The following ATXN7 variants were observed in gnomAD, a reference collection of about 807,000 sequenced individuals.
The protein encoded by ATXN7 is ataxin 7, also known as ataxin-7.
Under a neutral mutation model 70.5 loss-of-function variants are expected in ATXN7, and 12 were observed. That is an observed-to-expected ratio of 0.17 (90% CI 0.11 to 0.28). The LOEUF (loss-of-function observed/expected upper bound fraction) is 0.28. ATXN7 is among the 10% of genes least tolerant of loss of function. ATXN7 has a pLI of 1.00. For missense variants in ATXN7, 1,256 were observed against 1,131.7 expected (o/e 1.11, Z -1.58); for synonymous variants, 498 against 448.7 (o/e 1.11, Z -1.39).
rs937584210 is a variant in ATXN7, at chr3:64,003,133, T to G, written c.*3666T>G. The G allele has an allele frequency of 6.6e-6, 1 of 152,014 alleles. No homozygotes were observed. The highest frequency in any genetic ancestry group is 2.4e-5 in the African/African-American group (1 of 41,380). 9.4% of individuals were successfully genotyped at this position (152,014 alleles called of 1,614,324 possible). ...CACTTTTACATTTTGTGCAAAACAT[T>G]TTACATTTTCAGATAATTTAAATGA... is the stretch of plus-strand genomic sequence containing the variant. On this transcript the variant is annotated 3_prime_UTR_variant, in exon 13 of 13. Coordinates refer to ENST00000674280, the MANE Select transcript of ATXN7 (RefSeq NM_001377405.1).
intron 4 of ATXN7, among the ~76,000 whole-genome samples, chr3:63,947,078 A>G (rs561515001): frequency 7.2e-5 from 11 of 152,170 alleles, no homozygotes; most frequent in African/African-American, 2.4e-4. Flanking sequence ...TGGGTGTGCT[A>G]TATACTAGTT....
intron 1 of ATXN7, among the ~76,000 whole-genome samples, chr3:63,884,219 A>G (rs1265011639): frequency 2.0e-5 from 3 of 146,730 alleles, no homozygotes; most frequent in African/African-American, 7.6e-5. Context: ...ACACACACAC[A>G]CACACACACA....
At chr3:63,905,125 G>C (rs1703789602) in intron 2 of ATXN7, 1 of 151,986 alleles carries the variant, frequency 6.6e-6, no homozygotes, top group South Asian at 2.1e-4. Context: ...TCATTTTCTT[G>C]ATGGCATCCT....
At chr3:63,978,276 C>G (rs1357402704) in intron 5 of ATXN7, among the ~76,000 whole-genome samples, 1 of 152,178 alleles carries the variant, frequency 6.6e-6, no homozygotes, top group Non-Finnish European at 1.5e-5. Context: ...AGCCACTGGT[C>G]TAGGGCCTTC....
In ATXN7 at chr3:63,982,489, A is replaced by G. The variant is rs186108340; in HGVS notation, c.1012+44A>G. 10 of 1,485,946 alleles carry G rather than the reference A, an allele frequency of 6.7e-6. No homozygotes were observed. In the African/African-American group the frequency reaches 1.4e-4, roughly 21 times the overall value. 92.0% of individuals were successfully genotyped at this position (1,485,946 alleles called of 1,614,324 possible). A position where few individuals can be genotyped will look rare whatever the true frequency, so the allele number is the denominator to read the frequency against. On this transcript the variant is annotated intron_variant, in intron 7 of 12. Transcript: ENST00000674280. ...TCTTCATAATGCTTCTCTATATATTAAATGGGCATTCGTGGGGAGCAAATC... is the reference window on the plus strand; with the variant it reads ...TCTTCATAATGCTTCTCTATATATTGAATGGGCATTCGTGGGGAGCAAATC...
At chr3:63,974,464 C>T (rs2075360967) in intron 5 of ATXN7, among the ~76,000 whole-genome samples, 1 of 152,244 alleles carries the variant, frequency 6.6e-6, no homozygotes, top group African/African-American at 2.4e-5. Flanking sequence ...CATTTCAGAG[C>T]AGGCAAGTTG....
intron 4 of ATXN7, among the ~76,000 whole-genome samples, chr3:63,948,921 T>G (rs2074909954): frequency 6.6e-6 from 1 of 152,230 alleles, no homozygotes; most frequent in Non-Finnish European, 1.5e-5. Context: ...AGTACAATTT[T>G]TAAACTTTAT....
At chr3:63,940,968 C>A (rs1377233166) in intron 4 of ATXN7, among the ~76,000 whole-genome samples, 2 of 152,094 alleles carry the variant, frequency 1.3e-5, no homozygotes, top group South Asian at 4.1e-4. Context: ...TTAAGGAACC[C>A]GTGAGACAAA....
chr3:63,967,156 A>T (rs2075238854), intron 5 of ATXN7, among the ~76,000 whole-genome samples: 1 of 152,200 alleles, frequency 6.6e-6, no homozygotes, highest in African/African-American at 2.4e-5. Flanking sequence ...GGAGTGTGAT[A>T]GGGATGATAG....
intron 4 of ATXN7, 39 bp from the exon 5 acceptor site, chr3:63,952,339 GA>G: frequency 6.6e-7 from 1 of 1,514,132 alleles, no homozygotes; most frequent in East Asian, 2.3e-5. Flanking sequence ...ATATCAGTCA[GA>G]ACCAGATGAG....
At chr3:63,934,587 A>G (rs1559637814) in intron 4 of ATXN7, among the ~76,000 whole-genome samples, 1 of 152,144 alleles carries the variant, frequency 6.6e-6, no homozygotes, top group Non-Finnish European at 1.5e-5. Context: ...TCAGTTTTTA[A>G]AGTACTTCCT....
intron 5 of ATXN7, among the ~76,000 whole-genome samples, chr3:63,974,543 AC>A (rs750308985): frequency 6.6e-6 from 1 of 152,256 alleles, no homozygotes; most frequent in Non-Finnish European, 1.5e-5. Flanking sequence ...CTCTTAAGTA[AC>A]CATGTGATGT....
chr3:63,988,169 G>A lies in ATXN7; in HGVS notation c.1206G>A (p.Pro402=), dbSNP rs371919711. Residue 402 remains proline (P), a synonymous_variant, in exon 9 of 13, where the codon CCG becomes CCA. Coordinates refer to ENST00000674280, the MANE Select transcript of ATXN7 (RefSeq NM_001377405.1). Reference sequence around the variant, plus strand: ...GGGAAAAGGAATTGATTCGCCATCCGGACTCTCAGCAACCACCGCAGCCTC... The same window carrying A: ...GGGAAAAGGAATTGATTCGCCATCCAGACTCTCAGCAACCACCGCAGCCTC... ...KTREKELIRH[P]DSQQPPQPLR... 4.4e-5 allele frequency: 71 copies of A among 1,613,798 alleles called. No individual in the cohort carries two copies. The highest frequency in any genetic ancestry group is 8.0e-5 in the African/African-American group (6 of 74,868).
At chr3:63,960,913 A>G (rs1372362566) in intron 5 of ATXN7, among the ~76,000 whole-genome samples, 1 of 152,118 alleles carries the variant, frequency 6.6e-6, no homozygotes, top group East Asian at 1.9e-4. Context: ...CAAGCCAGGA[A>G]ACAAAAGATA....
rs760166549 is a variant in ATXN7, at chr3:63,980,854, C to CT, written c.752+689dup. 2.0e-5 allele frequency among the ~76,000 whole-genome samples: 3 copies of CT among 152,270 alleles called. No homozygotes were observed. In the East Asian group the frequency reaches 5.8e-4, roughly 29 times the overall value. On this transcript the variant is annotated intron_variant, in intron 6 of 12. Coordinates refer to ENST00000674280, the MANE Select transcript of ATXN7 (RefSeq NM_001377405.1). ...GGAAGCAGTGCTTCCTCCCTTCAGC[C>CT]TTAGGTTCACATCACAGCAGTGATG...
At chr3:63,978,329 A>G (rs2075426760) in intron 5 of ATXN7, among the ~76,000 whole-genome samples, 1 of 152,230 alleles carries the variant, frequency 6.6e-6, no homozygotes. Context: ...CTAGTCATGC[A>G]GAAGTTAATT....
At chr3:63,996,617 T>TAAAAAA (rs752406394) in intron 12 of ATXN7, 134 bp downstream of exon 12, 2 of 202,726 alleles carry the variant, frequency 9.9e-6, no homozygotes, top group African/African-American at 2.9e-5. Context: ...GGTGTCTTCT[T>TAAAAAA]AAAAAAAAAA....
intron 11 of ATXN7, among the ~76,000 whole-genome samples, chr3:63,993,635 A>C (rs887029416): frequency 4.6e-5 from 7 of 152,216 alleles, no homozygotes; most frequent in South Asian, 2.1e-4. Context: ...TTGCCTCTTT[A>C]TACACAAAAG....
chr3:63,892,485 A>C (rs926545220), intron 1 of ATXN7, among the ~76,000 whole-genome samples: 6 of 149,318 alleles, frequency 4.0e-5, no homozygotes, highest in Non-Finnish European at 5.9e-5. Flanking sequence ...ACACACACAC[A>C]CACACACACC....
Sources: allele counts gnomAD v4.1 joint callset (sites outside exome capture counted in the v4.1 genomes callset), GRCh38; gene constraint gnomAD v4.1.1; transcripts MANE v1.5; gene names NCBI Gene and HGNC (gene_info 2026-07-23, HGNC 2026-07-21).